Variants in UBE2K observed in about 807,000 individuals in gnomAD.
UBE2K encodes the protein ubiquitin-conjugating enzyme E2 K.
UBE2K carries 6 observed loss-of-function variants against 30.0 expected under a neutral mutation model. That is an observed-to-expected ratio of 0.20 (90% CI 0.11 to 0.39). The LOEUF (loss-of-function observed/expected upper bound fraction) is 0.39. Ranked by LOEUF, UBE2K falls within the 10% of genes least tolerant of loss-of-function variation. UBE2K has a pLI of 1.00. For missense variants in UBE2K, 61 were observed against 241.6 expected (o/e 0.25, Z 4.96); for synonymous variants, 86 against 83.7 (o/e 1.03, Z -0.15).
At chr4:39,719,916 C>T (rs1181633236) in intron 1 of UBE2K, among the ~76,000 whole-genome samples, 1 of 152,152 alleles carries the variant, frequency 6.6e-6, no homozygotes, top group East Asian at 1.9e-4. Context: ...GTGATACATA[C>T]TGAGTGGTCA....
chr4:39,713,780 T>A (rs1192958312), intron 1 of UBE2K: 2 of 152,072 alleles, frequency 1.3e-5, no homozygotes, highest in Non-Finnish European at 2.9e-5. Flanking sequence ...GTGACTGCTC[T>A]ATCATTCATT....
chr4:39,749,016 G>A (rs1002088665), intron 3 of UBE2K, among the ~76,000 whole-genome samples: 5 of 152,294 alleles, frequency 3.3e-5, no homozygotes, highest in African/African-American at 1.2e-4. Context: ...GTGTTCACAT[G>A]TGTTTGGACT....
intron 2 of UBE2K, among the ~76,000 whole-genome samples, chr4:39,739,358 ATTC>A (rs1377414530): frequency 6.7e-6 from 1 of 149,264 alleles, no homozygotes; most frequent in Non-Finnish European, 1.5e-5. Flanking sequence ...AAAATCTAAT[ATTC>A]TTGAATATTT....
At chr4:39,707,590 T>C (rs1432848855) in intron 1 of UBE2K, among the ~76,000 whole-genome samples, 1 of 150,912 alleles carries the variant, frequency 6.6e-6, no homozygotes, top group African/African-American at 2.4e-5. Context: ...GGCACAATCA[T>C]AGCTCATTGC....
At chr4:39,774,725 G>A (rs947012413) in intron 4 of UBE2K, 109 bp from the exon 5 acceptor site, 1 of 468,870 alleles carries the variant, frequency 2.1e-6, no homozygotes. Context: ...TTAAGATAAA[G>A]ATCTAAGTAA....
chr4:39,717,290 G>A (rs1359239620), intron 1 of UBE2K, among the ~76,000 whole-genome samples: 1 of 148,962 alleles, frequency 6.7e-6, no homozygotes, highest in Non-Finnish European at 1.5e-5. Flanking sequence ...CTGGAGTGCA[G>A]TGGCACAATC....
chr4:39,704,469 G>A (rs923755304), intron 1 of UBE2K, among the ~76,000 whole-genome samples: 5 of 151,988 alleles, frequency 3.3e-5, no homozygotes, highest in Admixed American at 1.3e-4. Flanking sequence ...CTTGTATACA[G>A]TGTTACAAAG....
rs1440986171 is a variant in UBE2K at position 39,774,618 on chromosome 4, A to G, written c.300-216A>G. Reference sequence around the variant, plus strand: ...ACAGAGCCAGACTCCGTCTCAGGGGAAAAAAAGAAAAAAGAAATAGGCAAA... The same window carrying G: ...ACAGAGCCAGACTCCGTCTCAGGGGGAAAAAAGAAAAAAGAAATAGGCAAA... On this transcript the variant is annotated intron_variant, in intron 4 of 6. Transcript: ENST00000261427. Among the ~76,000 whole-genome samples, 6 of 152,056 alleles carry G rather than the reference A, an allele frequency of 3.9e-5. No homozygotes were observed. The South Asian group carries it at 8.3e-4, about 21-fold the overall frequency.
intron 1 of UBE2K, among the ~76,000 whole-genome samples, chr4:39,725,406 A>C (rs894190331): frequency 1.1e-4 from 13 of 119,156 alleles, no homozygotes; most frequent in African/African-American, 3.3e-4. Context: ...AAAAAAAAAA[A>C]CACCTCTTGA....
rs549939819 is a variant in UBE2K at position 39,735,950 on chromosome 4, T to C, written c.64-1470T>C. On this transcript the variant is annotated intron_variant, in intron 1 of 6. Transcript: ENST00000261427. ...AAAATATGGGTTTTAAGTCATGTAT[T>C]GTTTATGAACTAAACGTTCTGTACT... Among the ~76,000 whole-genome samples, 4 of 152,300 alleles carry C rather than the reference T, an allele frequency of 2.6e-5. No individual in the cohort carries two copies. The East Asian group carries it at 7.7e-4, about 29-fold the overall frequency.
chr4:39,771,208 CTG>C (rs752373827), intron 4 of UBE2K: 12 of 1,612,660 alleles, frequency 7.4e-6, no homozygotes, highest in Admixed American at 5.0e-5. Flanking sequence ...GATGCGTGCA[CTG>C]TGCATCAGGG....
At chr4:39,698,487 C>G in intron 1 of UBE2K, 97 bp downstream of exon 1, 1 of 1,144,418 alleles carries the variant, frequency 8.7e-7, no homozygotes, top group Admixed American at 2.0e-5. Context: ...CTGGGTGGTC[C>G]TCCTTGCGGC....
intron 4 of UBE2K, chr4:39,771,510 G>A (rs1712840247): frequency 2.1e-6 from 3 of 1,438,288 alleles, no homozygotes; most frequent in South Asian, 1.4e-5. Context: ...CCCCACCCCC[G>A]CGGGGCCGGA....
At chr4:39,763,821 C>G (rs1712132954) in intron 4 of UBE2K, among the ~76,000 whole-genome samples, 1 of 152,168 alleles carries the variant, frequency 6.6e-6, no homozygotes, top group African/African-American at 2.4e-5. Context: ...CTCACTGCAG[C>G]CTCAACCTTC....
rs1713640673 is a variant in UBE2K at position 39,781,990 on chromosome 4, T to C, written c.*3556T>C. 1 of 398,460 alleles carries C rather than the reference T, an allele frequency of 2.5e-6. No individual in the cohort carries two copies. 24.7% of individuals were successfully genotyped at this position (398,460 alleles called of 1,614,324 possible). A position where few individuals can be genotyped will look rare whatever the true frequency, so the allele number is the denominator to read the frequency against. On this transcript the variant is annotated 3_prime_UTR_variant, in exon 7 of 7. Coordinates refer to ENST00000261427, the MANE Select transcript of UBE2K (RefSeq NM_005339.5). ...ACTTTTCTTCAGTGTCTACATATTA[T>C]GTCACACGTTCTATTTGCACTGCTG...
At chr4:39,742,622 G>A (rs1720766353) in intron 2 of UBE2K, among the ~76,000 whole-genome samples, 1 of 152,082 alleles carries the variant, frequency 6.6e-6, no homozygotes, top group Non-Finnish European at 1.5e-5. Flanking sequence ...CGCACCTGTA[G>A]TCCCAGCTAC....
chr4:39,761,618 G>T (rs1360033196), intron 4 of UBE2K, among the ~76,000 whole-genome samples: 1 of 152,098 alleles, frequency 6.6e-6, no homozygotes, highest in East Asian at 1.9e-4. Flanking sequence ...GACACATTTT[G>T]AAATTTCATA....
intron 3 of UBE2K, among the ~76,000 whole-genome samples, chr4:39,755,132 G>C (rs76405204): frequency 0.019 from 2,847 of 152,190 alleles, 100 homozygotes; most frequent in African/African-American, 0.064. Flanking sequence ...TATCTCCTCA[G>C]TGTTTGCTAC....
chr4:39,763,777 A>G (rs919306527), intron 4 of UBE2K, among the ~76,000 whole-genome samples: 2 of 152,036 alleles, frequency 1.3e-5, no homozygotes, highest in African/African-American at 4.8e-5. Flanking sequence ...TTGAGACAGA[A>G]TCTCACTCTG....
Sources: gnomAD v4.1 joint callset for allele counts (sites outside exome capture counted in the v4.1 genomes callset) on GRCh38, gnomAD v4.1.1 for gene constraint, MANE v1.5 for transcripts, NCBI Gene and HGNC (gene_info 2026-07-23, HGNC 2026-07-21) for gene names.